The following TMEM132C variants were observed in gnomAD, a reference collection of about 807,000 sequenced individuals.
TMEM132C encodes protein phosphatase 1, regulatory subunit 152.
A neutral mutation model predicts 61.4 loss-of-function variants in TMEM132C; 29 were observed. That is an observed-to-expected ratio of 0.47 (90% confidence interval 0.35 to 0.64). The LOEUF (loss-of-function observed/expected upper bound fraction) is 0.64, where lower values mean the gene tolerates loss of function less well. Among genes scored for constraint, TMEM132C ranks in the 30% least tolerant of loss-of-function variants. TMEM132C has a pLI of 0.00. For missense variants in TMEM132C, 1,408 were observed against 1,476.9 expected (o/e 0.95, Z 0.76); for synonymous variants, 656 against 633.1 (o/e 1.04, Z -0.54).
chr12:128,290,362 G>A (rs1871210803), intron 1 of TMEM132C, among the ~76,000 whole-genome samples: 1 of 152,030 alleles, frequency 6.6e-6, no homozygotes, highest in Non-Finnish European at 1.5e-5. Flanking sequence ...GAAGGGGGAA[G>A]TGCCACACTT....
intron 4 of TMEM132C, among the ~76,000 whole-genome samples, chr12:128,646,962 ATG>A (rs1449790501): frequency 1.4e-5 from 2 of 147,350 alleles, no homozygotes; most frequent in African/African-American, 5.1e-5. Flanking sequence ...TCGGCGTTGG[ATG>A]TGAGTGTGTT....
chr12:128,379,591 A>G (rs1288139843), intron 1 of TMEM132C, among the ~76,000 whole-genome samples: 1 of 152,108 alleles, frequency 6.6e-6, no homozygotes, highest in Non-Finnish European at 1.5e-5. Flanking sequence ...TGGTGGTTGC[A>G]TTGCTCCAGT....
At chr12:128,428,194 A>G (rs922423442) in intron 2 of TMEM132C, among the ~76,000 whole-genome samples, 2 of 152,114 alleles carry the variant, frequency 1.3e-5, no homozygotes, top group African/African-American at 4.8e-5. Context: ...TGTCAAGCTT[A>G]TTTTGGTTGC....
chr12:128,492,464 C>T (rs1021219809), intron 2 of TMEM132C, among the ~76,000 whole-genome samples: 3 of 152,206 alleles, frequency 2.0e-5, no homozygotes, highest in Non-Finnish European at 4.4e-5. Flanking sequence ...TACACTCCCA[C>T]CAACCGTGTA....
rs1219078395 is a variant in TMEM132C, at chr12:128,697,275, C to T, written c.1981C>T (p.Leu661=). 6.5e-7 allele frequency: 1 copy of T among 1,548,118 alleles called. No individual in the cohort carries two copies. Among genetic ancestry groups the T allele is most frequent in the East Asian group, 2.4e-5 (1 of 40,820 alleles). The stretch of plus-strand genomic sequence containing the variant: ...CCTGGCAGAGAAGACAATAACCGTG[C>T]TAGATGACAAAGTATCGGTGACAGA... The part of the protein sequence containing the change: ...SILAEKTITV[L]DDKVSVTDLA... Residue 661 remains leucine, a synonymous_variant, in exon 8 of 9, where the codon CTA becomes TTA. Coordinates refer to ENST00000435159, the MANE Select transcript of TMEM132C (RefSeq NM_001136103.3).
chr12:128,538,250 A>G (rs1262612667), intron 2 of TMEM132C, among the ~76,000 whole-genome samples: 7 of 152,114 alleles, frequency 4.6e-5, no homozygotes, highest in Non-Finnish European at 8.8e-5. Context: ...TCTCCCAAGT[A>G]GCTGGGATTA....
intron 1 of TMEM132C, among the ~76,000 whole-genome samples, chr12:128,325,933 G>T (rs142523632): frequency 6.6e-6 from 1 of 152,042 alleles, no homozygotes; most frequent in Non-Finnish European, 1.5e-5. Flanking sequence ...CTTGCTCCTC[G>T]GTCTGCAGCC....
intron 3 of TMEM132C, among the ~76,000 whole-genome samples, chr12:128,563,975 C>T (rs1236726914): frequency 2.0e-5 from 3 of 152,240 alleles, no homozygotes; most frequent in Middle Eastern, 3.4e-3. Flanking sequence ...TAATGGAACA[C>T]TAGGCATAAA....
chr12:128,665,806 C>T (rs1954458653), intron 4 of TMEM132C, among the ~76,000 whole-genome samples: 1 of 142,302 alleles, frequency 7.0e-6, no homozygotes. Context: ...CACACATTCA[C>T]AGGCACACAC....
At chr12:128,704,294 C>T (rs1458643507) in intron 8 of TMEM132C, among the ~76,000 whole-genome samples, 1 of 152,138 alleles carries the variant, frequency 6.6e-6, no homozygotes, top group African/African-American at 2.4e-5. Flanking sequence ...TTTTACATAG[C>T]TGTTGGGTCA....
chr12:128,461,978 C>T (rs538613197), intron 2 of TMEM132C, among the ~76,000 whole-genome samples: 22 of 152,254 alleles, frequency 1.4e-4, no homozygotes, highest in East Asian at 9.6e-4. Context: ...CGGATTGGAG[C>T]GGGTGCCTCA....
At chr12:128,290,597 T>TC (rs1424428752) in intron 1 of TMEM132C, among the ~76,000 whole-genome samples, 4 of 151,826 alleles carry the variant, frequency 2.6e-5, no homozygotes, top group Non-Finnish European at 5.9e-5. Context: ...TCAAATAGGG[T>TC]CCCCCCTGGC....
chr12:128,513,388 T>C (rs554964684), intron 2 of TMEM132C, among the ~76,000 whole-genome samples: 1 of 152,162 alleles, frequency 6.6e-6, no homozygotes, highest in African/African-American at 2.4e-5. Flanking sequence ...TGCCGAGATA[T>C]AATCTCATTA....
intron 5 of TMEM132C, among the ~76,000 whole-genome samples, chr12:128,678,579 A>G (rs1954611521): frequency 6.6e-6 from 1 of 152,204 alleles, no homozygotes; most frequent in Admixed American, 6.5e-5. Context: ...ATGCAGGACG[A>G]TGCCTTTGTG....
intron 3 of TMEM132C, among the ~76,000 whole-genome samples, chr12:128,578,471 C>T (rs189826067): frequency 1.5e-3 from 224 of 152,282 alleles, no homozygotes; most frequent in African/African-American, 4.8e-3. Context: ...CATCTGAATT[C>T]GTTTGTACCT....
chr12:128,526,281 C>T (rs2042218010), intron 2 of TMEM132C, among the ~76,000 whole-genome samples: 1 of 152,224 alleles, frequency 6.6e-6, no homozygotes, highest in African/African-American at 2.4e-5. Context: ...TCTCAGAGTT[C>T]TGGAGACTGG....
At chr12:128,694,175 C>A in intron 6 of TMEM132C, 141 bp downstream of exon 6, 1 of 1,054,954 alleles carries the variant, frequency 9.5e-7, no homozygotes, top group South Asian at 1.7e-5. Context: ...ATAACCCAGC[C>A]AGGCCCAAAA....
intron 3 of TMEM132C, among the ~76,000 whole-genome samples, chr12:128,572,755 A>G (rs2136173120): frequency 6.6e-6 from 1 of 152,224 alleles, no homozygotes; most frequent in Middle Eastern, 3.4e-3. Context: ...CCTGGGTCAC[A>G]TGCCCACTGT....
chr12:128,398,911 C>T (rs1486648048), intron 1 of TMEM132C, among the ~76,000 whole-genome samples: 5 of 152,184 alleles, frequency 3.3e-5, no homozygotes, highest in Non-Finnish European at 7.3e-5. Context: ...TCAGAATTCT[C>T]CCTTATAATT....
Sources: allele counts gnomAD v4.1 joint callset (sites outside exome capture counted in the v4.1 genomes callset), GRCh38; gene constraint gnomAD v4.1.1; transcripts MANE v1.5; gene names NCBI Gene and HGNC (gene_info 2026-07-23, HGNC 2026-07-21).